Variants in RABAC1 observed in about 807,000 individuals in gnomAD.
The protein encoded by RABAC1 is prenylated Rab acceptor protein 1.
In RABAC1, 16 loss-of-function variants were observed where a neutral mutation model predicts 22.9. That is an observed-to-expected ratio of 0.70 (90% CI 0.47 to 1.06). RABAC1 has a LOEUF of 1.06. RABAC1 is among the 50% of genes least tolerant of loss of function. RABAC1 has a pLI of 0.00. For synonymous variants in RABAC1, 139 were observed against 107.7 expected (o/e 1.29, Z -1.80); for missense variants, 227 against 246.5 (o/e 0.92, Z 0.53).
chr19:41,958,979 A>G, intron 1 of RABAC1, 31 bp from the exon 2 acceptor site: 1 of 1,526,866 alleles, frequency 6.5e-7, no homozygotes, highest in Non-Finnish European at 8.8e-7. Context: ...TCAGTGGTGG[A>G]CCGGGATGGA....
intron 3 of RABAC1, chr19:41,957,425 TC>T (rs1330378559): frequency 5.2e-6 from 2 of 386,368 alleles, no homozygotes; most frequent in Non-Finnish European, 9.5e-6. Context: ...GCTGCAACCC[TC>T]GCGCAGACCA....
rs782766504 is a variant in RABAC1 at position 41,959,274 on chromosome 19, G to C, written c.19C>G (p.Gln7Glu). The change falls in exon 1 of 5, where the codon CAG becomes GAG. Residue 7 changes from glutamine (Q) to glutamate (E), a missense_variant. Physicochemically the swap from Gln to Glu is conservative, Grantham distance 29. Coordinates refer to ENST00000222008, the MANE Select transcript of RABAC1 (RefSeq NM_006423.3). ...CCTTCCGCCTCGGCATCTTTCTGCT[G>C]GTCCTTCTGCGCTGCCATGTCTGCG... MAAQKDQQKDAEAEGLS... is the reference protein window; with the variant it reads MAAQKDEQKDAEAEGLS... The C allele has an allele frequency of 1.2e-6, 2 of 1,613,728 alleles. No individual in the cohort carries two copies. Among genetic ancestry groups the C allele is most frequent in the South Asian group, 2.2e-5 (2 of 91,090 alleles).
In RABAC1 at chr19:41,956,803, T is replaced by TG; in HGVS notation, c.*42dup. 1 of 1,546,542 alleles carries TG rather than the reference T, an allele frequency of 6.5e-7. No homozygotes were observed. Among genetic ancestry groups the TG allele is most frequent in the Non-Finnish European group, 8.8e-7 (1 of 1,135,808 alleles). The stretch of plus-strand genomic sequence containing the variant: ...CGTGCAGGACAGGCATGGGCAGGGG[T>TG]GGGGCAGCTGGCCCGGGAGGCCGGC... On this transcript the variant is annotated 3_prime_UTR_variant, in exon 5 of 5. Coordinates refer to ENST00000222008, the MANE Select transcript of RABAC1 (RefSeq NM_006423.3).
rs781855956 is a variant in RABAC1, at chr19:41,959,192, G to A, written c.56+45C>T. ...GAGGGAGGAGGGGGCCGGGGGCCCG[G>A]ACTCCCGGGTCTCTGGTCCGAGGGC... is the stretch of plus-strand genomic sequence containing the variant. On this transcript the variant is annotated intron_variant, in intron 1 of 4. Transcript: ENST00000222008. 4 of 1,611,380 alleles carry A rather than the reference G, an allele frequency of 2.5e-6. No homozygotes were observed. The Admixed American group carries it at 6.7e-5, about 27-fold the overall frequency.
chr19:41,959,009 G>T lies in RABAC1; in HGVS notation c.57-61C>A, dbSNP rs1484435602. On this transcript the variant is annotated intron_variant, in intron 1 of 4. Coordinates refer to ENST00000222008, the MANE Select transcript of RABAC1 (RefSeq NM_006423.3). ...GATGGAGCCCCAGACCCCCGCAAAAGAAGGGGACTAAGGGTGCCTGGACTC... is the reference window on the plus strand; with the variant it reads ...GATGGAGCCCCAGACCCCCGCAAAATAAGGGGACTAAGGGTGCCTGGACTC... 6.8e-6 allele frequency: 10 copies of T among 1,477,502 alleles called. No homozygotes were observed. In the East Asian group the frequency reaches 7.4e-5, roughly 11 times the overall value. The allele number at this position is 1,477,502 out of a possible 1,614,324, so 91.5% of individuals were successfully genotyped here.
intron 1 of RABAC1, 52 bp from the exon 2 acceptor site, chr19:41,959,000 C>G (rs1555857317): frequency 3.3e-6 from 5 of 1,492,548 alleles, no homozygotes; most frequent in Non-Finnish European, 4.5e-6. Context: ...GCCCCAGACC[C>G]CCGCAAAAGA....
In RABAC1 at chr19:41,958,732, TCA is replaced by T; in HGVS notation, c.269+2_269+3del. On this transcript the variant is annotated splice_donor_variant and splice_donor_region_variant and intron_variant, in intron 2 of 4. Coordinates refer to ENST00000222008, the MANE Select transcript of RABAC1 (RefSeq NM_006423.3). LOFTEE classifies it high-confidence loss of function. ...TGCGGGTGCGGGGCCCGGGAGGCAC[TCA>T]CACACAGTACAGGATGAGGCCCAGG... 1.2e-6 allele frequency: 2 copies of T among 1,611,540 alleles called. No individual in the cohort carries two copies. The highest frequency in any genetic ancestry group is 3.3e-5 in the Admixed American group (2 of 59,856).
chr19:41,957,698 T>A (rs1410296491), intron 3 of RABAC1, among the ~76,000 whole-genome samples: 1 of 152,182 alleles, frequency 6.6e-6, no homozygotes, highest in Non-Finnish European at 1.5e-5. Flanking sequence ...CTGAAGAGCC[T>A]GGCCTTCAGG....
chr19:41,958,629 G>A (rs552458421), intron 2 of RABAC1, 107 bp downstream of exon 2: 40 of 1,251,414 alleles, frequency 3.2e-5, no homozygotes, highest in Admixed American at 4.3e-5. Flanking sequence ...AGAGGGCCCT[G>A]GGCGGTGAGA....
At position 41,959,254 on chromosome 19, in the gene RABAC1, C is replaced by T. The variant is rs919570224; in HGVS notation, c.39G>A (p.Ala13=). 7 of 1,613,534 alleles carry T rather than the reference C, an allele frequency of 4.3e-6. No homozygotes were observed. The highest frequency in any genetic ancestry group is 5.1e-6 in the Non-Finnish European group (6 of 1,179,940). Reference sequence around the variant, plus strand: ...TCGCTCACGTGCCGCTCAGCCCTTCCGCCTCGGCATCTTTCTGCTGGTCCT... The same window carrying T: ...TCGCTCACGTGCCGCTCAGCCCTTCTGCCTCGGCATCTTTCTGCTGGTCCT... ...AQKDQQKDAE[A]EGLSGTTLLP... is the part of the protein sequence containing the mutation. The change falls in exon 1 of 5, where the codon GCG becomes GCA. Residue 13 remains alanine, a synonymous_variant. Coordinates refer to ENST00000222008, the MANE Select transcript of RABAC1 (RefSeq NM_006423.3).
chr19:41,956,792 A>G lies in RABAC1; in HGVS notation c.*54T>C. 1 of 1,514,404 alleles carries G rather than the reference A, an allele frequency of 6.6e-7. No individual in the cohort carries two copies. Among genetic ancestry groups the G allele is most frequent in the Non-Finnish European group, 9.0e-7 (1 of 1,109,560 alleles). 93.8% of individuals were successfully genotyped at this position (1,514,404 alleles called of 1,614,324 possible). On this transcript the variant is annotated 3_prime_UTR_variant, in exon 5 of 5. Transcript: ENST00000222008. ...AGCAGCAGAGCCGTGCAGGACAGGCATGGGCAGGGGTGGGGCAGCTGGCCC... is the reference window on the plus strand; with the variant it reads ...AGCAGCAGAGCCGTGCAGGACAGGCGTGGGCAGGGGTGGGGCAGCTGGCCC...
intron 3 of RABAC1, 93 bp downstream of exon 3, chr19:41,958,193 G>A (rs568250560): frequency 7.0e-6 from 9 of 1,283,668 alleles, no homozygotes; most frequent in Non-Finnish European, 8.8e-6. Context: ...CTTGGGTTTT[G>A]AAGGACTTGG....
Position 41,958,759 on chromosome 19 carries a change from G to A in RABAC1, c.246C>T (p.Phe82=). 6.2e-7 allele frequency: 1 copy of A among 1,613,086 alleles called. No individual in the cohort carries two copies. The highest frequency in any genetic ancestry group is 8.5e-7 in the Non-Finnish European group (1 of 1,179,752). ...EYYQSNYVFV[F]LGLILYCVVT... is the part of the protein sequence containing the mutation. ...ACACACAGTACAGGATGAGGCCCAGGAACACGAACACATAGTTGCTCTGGT... is the reference window on the plus strand; with the variant it reads ...ACACACAGTACAGGATGAGGCCCAGAAACACGAACACATAGTTGCTCTGGT... Residue 82 remains phenylalanine, a synonymous_variant, in exon 2 of 5, where the codon TTC becomes TTT. Transcript: ENST00000222008.
chr19:41,959,316 T>G lies in RABAC1; in HGVS notation c.-24A>C, dbSNP rs1403427659. 4 of 1,613,388 alleles carry G rather than the reference T, an allele frequency of 2.5e-6. No individual in the cohort carries two copies. The highest frequency in any genetic ancestry group is 3.4e-6 in the Non-Finnish European group (4 of 1,179,834). ...ATGTCTGCGTCGTGAGGGGTAGAGCTGCTGTAACCAGCCCGGTACCCTGAA... is the reference window on the plus strand; with the variant it reads ...ATGTCTGCGTCGTGAGGGGTAGAGCGGCTGTAACCAGCCCGGTACCCTGAA... On this transcript the variant is annotated 5_prime_UTR_variant, in exon 1 of 5. Coordinates refer to ENST00000222008, the MANE Select transcript of RABAC1 (RefSeq NM_006423.3).
At chr19:41,958,472 G>A (rs2075000138) in intron 2 of RABAC1, 89 bp from the exon 3 acceptor site, 6 of 1,284,832 alleles carry the variant, frequency 4.7e-6, no homozygotes, top group South Asian at 2.5e-5. Flanking sequence ...CGGGCGGCAA[G>A]CTACATCCTG....
intron 2 of RABAC1, 144 bp downstream of exon 2, chr19:41,958,592 C>T: frequency 9.7e-7 from 1 of 1,029,556 alleles, no homozygotes; most frequent in Non-Finnish European, 1.4e-6. Flanking sequence ...AGAGCCAATC[C>T]TTGGGGGCGG....
chr19:41,959,309 G>C lies in RABAC1; in HGVS notation c.-17C>G, dbSNP rs782170525. 14 of 1,613,382 alleles carry C rather than the reference G, an allele frequency of 8.7e-6. No individual in the cohort carries two copies. The African/African-American group carries it at 1.2e-4, about 14-fold the overall frequency. On this transcript the variant is annotated 5_prime_UTR_variant, in exon 1 of 5. Transcript: ENST00000222008. ...CGCTGCCATGTCTGCGTCGTGAGGG[G>C]TAGAGCTGCTGTAACCAGCCCGGTA...
At chr19:41,958,171 G>T in intron 3 of RABAC1, 115 bp downstream of exon 3, 1 of 957,266 alleles carries the variant, frequency 1.0e-6, no homozygotes, top group Non-Finnish European at 1.6e-6. Context: ...TGTACATCTA[G>T]GCTTGGGCGG....
intron 3 of RABAC1, chr19:41,957,430 C>A (rs1167464256): frequency 2.6e-6 from 1 of 377,738 alleles, no homozygotes; most frequent in Admixed American, 4.2e-5. Flanking sequence ...AACCCTCGCG[C>A]AGACCAGGGT....
Sources: allele counts gnomAD v4.1 joint callset (sites outside exome capture counted in the v4.1 genomes callset), GRCh38; gene constraint gnomAD v4.1.1; transcripts MANE v1.5; gene names NCBI Gene and HGNC (gene_info 2026-07-23, HGNC 2026-07-21).